BAZ2B: variants seen among roughly 807,000 people sequenced by gnomAD.
BAZ2B encodes bromodomain adjacent to zinc finger domain 2B, also known as bromodomain adjacent to zinc finger domain protein 2B.
In BAZ2B, 91 loss-of-function variants were observed where a neutral mutation model predicts 246.0. The ratio of observed to expected loss-of-function variants is 0.37; its 90% CI spans 0.31 to 0.44. BAZ2B has a LOEUF of 0.44. Ranked by LOEUF, BAZ2B falls within the 20% of genes least tolerant of loss-of-function variation. The pLI is 1.00. For missense variants in BAZ2B, 2,332 were observed against 2,533.7 expected, an observed-to-expected ratio of 0.92 and a Z score of 1.71; for synonymous variants, 855 against 860.0, an observed-to-expected ratio of 0.99 and a Z score of 0.10.
intron 27 of BAZ2B, among the ~76,000 whole-genome samples, chr2:159,364,535 C>T (rs767948990): frequency 6.6e-6 from 1 of 151,960 alleles, no homozygotes; most frequent in African/African-American, 2.4e-5. Context: ...TGGAAGTATA[C>T]CTGGCTAATT....
chr2:159,447,052 C>G, intron 5 of BAZ2B, 77 bp from the exon 6 acceptor site: 1 of 1,019,142 alleles, frequency 9.8e-7, no homozygotes. Context: ...GATATATGTA[C>G]AGTTGGATGA....
chr2:159,403,053 T>C (rs1272702419), intron 16 of BAZ2B, among the ~76,000 whole-genome samples: 1 of 152,194 alleles, frequency 6.6e-6, no homozygotes, highest in South Asian at 2.1e-4. Flanking sequence ...TGCTTTGTAA[T>C]AATGTTTCTG....
chr2:159,560,233 C>T (rs1171361532), intron 1 of BAZ2B, among the ~76,000 whole-genome samples: 1 of 152,124 alleles, frequency 6.6e-6, no homozygotes, highest in Non-Finnish European at 1.5e-5. Context: ...TACCTATCTG[C>T]TTTTTCTCAC....
intron 2 of BAZ2B, among the ~76,000 whole-genome samples, chr2:159,523,335 G>A (rs530785677): frequency 2.0e-5 from 3 of 152,260 alleles, no homozygotes; most frequent in Non-Finnish European, 2.9e-5. Context: ...CCAGGAGTTC[G>A]AAGTTACAGT....
rs1344795071 is a variant in BAZ2B at position 159,501,281 on chromosome 2, C to G, written c.-2-22560G>C. On this transcript the variant is annotated intron_variant, in intron 2 of 36. Coordinates refer to ENST00000392783, the MANE Select transcript of BAZ2B (RefSeq NM_013450.4). ...TGGTGGCTTGCACCTATAGTCCCAG[C>G]TACTCAGGAGGCTGATGGGGGATGA... Among the ~76,000 whole-genome samples, 20 of 124,944 alleles carry G rather than the reference C, an allele frequency of 1.6e-4. 1 individual carries two copies. Among genetic ancestry groups the G allele is most frequent in the Non-Finnish European group, 2.7e-4 (16 of 58,778 alleles). 82.0% of individuals were successfully genotyped at this position (124,944 alleles called of 152,430 possible).
the BAZ2B span, among the ~76,000 whole-genome samples, chr2:159,645,356 C>T: frequency 1.3e-5 from 2 of 152,016 alleles, no homozygotes; most frequent in Non-Finnish European, 2.9e-5. Flanking sequence ...CTTTTCGGCA[C>T]CAGGGACCAG....
intron 2 of BAZ2B, among the ~76,000 whole-genome samples, chr2:159,542,458 T>G (rs1225297144): frequency 1.3e-5 from 2 of 152,072 alleles, no homozygotes; most frequent in Non-Finnish European, 2.9e-5. Flanking sequence ...TGTTATGTTC[T>G]TATGTACAAG....
chr2:159,478,709 C>T lies in BAZ2B; in HGVS notation c.11G>A (p.Gly4Glu), dbSNP rs1193441180. 5 of 1,584,994 alleles carry T rather than the reference C, an allele frequency of 3.2e-6. No homozygotes were observed. The highest frequency in any genetic ancestry group is 4.3e-6 in the Non-Finnish European group (5 of 1,166,218). Reference sequence around the variant, plus strand: ...GGCTGCTGAGGATGGTAACCGTTCTCCAGACTCCATATCTATGAGAAGGGA... The same window carrying T: ...GGCTGCTGAGGATGGTAACCGTTCTTCAGACTCCATATCTATGAGAAGGGA... MES[G>E]ERLPSSAASS... Residue 4 changes from glycine (G) to glutamate (E), a missense_variant, in exon 3 of 37, where the codon GGA becomes GAA. Coordinates refer to ENST00000392783, the MANE Select transcript of BAZ2B (RefSeq NM_013450.4).
chr2:159,554,658 T>C (rs1476915434), intron 2 of BAZ2B, among the ~76,000 whole-genome samples: 1 of 152,116 alleles, frequency 6.6e-6, no homozygotes, highest in Non-Finnish European at 1.5e-5. Flanking sequence ...TTTATACTTC[T>C]AATAATTAAT....
At chr2:159,346,592 A>G (rs1221993624) in intron 31 of BAZ2B, among the ~76,000 whole-genome samples, 1 of 152,146 alleles carries the variant, frequency 6.6e-6, no homozygotes, top group Non-Finnish European at 1.5e-5. Flanking sequence ...TGGAAGCCTG[A>G]GGCAGGAGAA....
At chr2:159,695,998 C>T in the BAZ2B span, among the ~76,000 whole-genome samples, 1 of 151,986 alleles carries the variant, frequency 6.6e-6, no homozygotes, top group Non-Finnish European at 1.5e-5. Context: ...TGACCTCAAG[C>T]GATCCCCAAC....
At chr2:159,705,005 C>G in the BAZ2B span, among the ~76,000 whole-genome samples, 1 of 151,170 alleles carries the variant, frequency 6.6e-6, no homozygotes, top group Non-Finnish European at 1.5e-5. Flanking sequence ...CTCGTCTGGC[C>G]TTTTTTGGTT....
At chr2:159,666,673 C>A in the BAZ2B span, among the ~76,000 whole-genome samples, 3 of 151,970 alleles carry the variant, frequency 2.0e-5, no homozygotes, top group East Asian at 5.8e-4. Flanking sequence ...CTGGCCAACA[C>A]AACAAAACCC....
intron 27 of BAZ2B, among the ~76,000 whole-genome samples, chr2:159,369,363 T>C (rs2060571702): frequency 1.3e-5 from 2 of 152,192 alleles, no homozygotes; most frequent in Non-Finnish European, 2.9e-5. Flanking sequence ...CAGAATTGTA[T>C]ACAGTCTTGA....
At chr2:159,450,801 C>T (rs980964879) in intron 4 of BAZ2B, among the ~76,000 whole-genome samples, 1 of 150,978 alleles carries the variant, frequency 6.6e-6, no homozygotes, top group Non-Finnish European at 1.5e-5. Context: ...GTGCAGTGGC[C>T]TGCTAGGGGC....
At chr2:159,440,966 T>C (rs1484236350) in intron 6 of BAZ2B, among the ~76,000 whole-genome samples, 1 of 152,132 alleles carries the variant, frequency 6.6e-6, no homozygotes, top group Non-Finnish European at 1.5e-5. Context: ...TGGAATTGTA[T>C]GGGTACCCAC....
the BAZ2B span, among the ~76,000 whole-genome samples, chr2:159,688,890 G>C: frequency 2.0e-5 from 3 of 152,164 alleles, no homozygotes; most frequent in Non-Finnish European, 4.4e-5. Context: ...GAATCCTGTC[G>C]AGATGCATGC....
chr2:159,491,933 C>A (rs1427411814), intron 2 of BAZ2B, among the ~76,000 whole-genome samples: 1 of 151,968 alleles, frequency 6.6e-6, no homozygotes. Context: ...CTTTTTATTT[C>A]TCTGACCTGA....
Position 159,347,484 on chromosome 2 carries a change from A to G in BAZ2B, c.5454+2T>C. The G allele has an allele frequency of 6.2e-7, 1 of 1,613,124 alleles. No homozygotes were observed. The highest frequency in any genetic ancestry group is 8.5e-7 in the Non-Finnish European group (1 of 1,179,262). On this transcript the variant is annotated splice_donor_variant, in intron 31 of 36. Transcript: ENST00000392783. LOFTEE classifies it high-confidence loss of function. ...ACATATTTTATTCCAAGTCGATTTTACCTTCACTTGCAAACTTGCTGATGC... is the reference window on the plus strand; with the variant it reads ...ACATATTTTATTCCAAGTCGATTTTGCCTTCACTTGCAAACTTGCTGATGC...
Sources: allele counts gnomAD v4.1 joint callset (sites outside exome capture counted in the v4.1 genomes callset), GRCh38; gene constraint gnomAD v4.1.1; transcripts MANE v1.5; gene names NCBI Gene and HGNC (gene_info 2026-07-23, HGNC 2026-07-21).